PLOD2: variants seen among roughly 807,000 people sequenced by gnomAD.
The protein encoded by PLOD2 is procollagen-lysine,2-oxoglutarate 5-dioxygenase 2, also known as lysine hydroxylase 2.
A neutral mutation model predicts 101.0 loss-of-function variants in PLOD2; 65 were observed. The observed-to-expected ratio is 0.64, with a 90% CI of 0.53 to 0.79. PLOD2 has a LOEUF of 0.79. Ranked by LOEUF, PLOD2 falls within the 30% of genes least tolerant of loss-of-function variation. PLOD2 has a pLI of 0.00. For missense variants in PLOD2, 909 were observed against 914.6 expected, an observed-to-expected ratio of 0.99 and a Z score of 0.08; for synonymous variants, 314 against 302.9, an observed-to-expected ratio of 1.04 and a Z score of -0.38.
Position 146,119,413 on chromosome 3 carries a change from AG to A in PLOD2, c.338+1698del, listed in dbSNP as rs370275785. Among the ~76,000 whole-genome samples, 278 of 151,520 alleles carry A rather than the reference AG, an allele frequency of 1.8e-3. 2 individuals carry two copies. Among genetic ancestry groups the A allele is most frequent in the African/African-American group, 6.5e-3 (267 of 41,228 alleles). On this transcript the variant is annotated intron_variant, in intron 3 of 19. Transcript: ENST00000282903. ...CAGCACAAGAACTGATTAATACAAT[AG>A]TTTTATAACTAGTAATATCTACTTT...
chr3:146,135,969 C>T (rs1425321578), intron 1 of PLOD2, among the ~76,000 whole-genome samples: 2 of 151,926 alleles, frequency 1.3e-5, no homozygotes, highest in Non-Finnish European at 1.5e-5. Context: ...AAGATTGTAT[C>T]TCTACAATAA....
rs555925828 is a variant in PLOD2, at chr3:146,082,492, A to T, written c.1233-629T>A. On this transcript the variant is annotated intron_variant, in intron 11 of 19. Coordinates refer to ENST00000282903, the MANE Select transcript of PLOD2 (RefSeq NM_182943.3). ...TTCCTTTAACTATTTTAGAAAGCAA[A>T]TTTATGGAACAACTATTCTTTATAT... 8.5e-5 allele frequency among the ~76,000 whole-genome samples: 13 copies of T among 152,292 alleles called. No individual in the cohort carries two copies. The South Asian group carries it at 2.5e-3, about 29-fold the overall frequency.
chr3:146,076,576 C>T lies in PLOD2; in HGVS notation c.1677+206G>A, dbSNP rs115390352. ...CAACGTACAAGCATTCCCTTTTCTC[C>T]GTAGCCTCACCCATATCTGTTGTTT... On this transcript the variant is annotated intron_variant, in intron 15 of 19. Transcript: ENST00000282903. The T allele has an allele frequency of 2.0e-3, 813 of 402,434 alleles. 9 individuals are homozygous for T. The highest frequency in any genetic ancestry group is 0.016 in the African/African-American group (750 of 48,060). The allele number at this position is 402,434 out of a possible 1,614,324, so 24.9% of individuals were successfully genotyped here.
rs776354477 is a variant in PLOD2 at position 146,086,897 on chromosome 3, A to G, written c.1017T>C (p.His339=). The G allele has an allele frequency of 1.6e-4, 242 of 1,501,742 alleles. No individual in the cohort carries two copies. The highest frequency in any genetic ancestry group is 2.1e-4 in the Non-Finnish European group (226 of 1,091,376). The allele number at this position is 1,501,742 out of a possible 1,614,324, so 93.0% of individuals were successfully genotyped here. ...CAAAAAATACCTTGATGTCCTTTTCATGATAAACTTCCTGTAACATATTTT... is the reference window on the plus strand; with the variant it reads ...CAAAAAATACCTTGATGTCCTTTTCGTGATAAACTTCCTGTAACATATTTT... ...KLFIHNKEVY[H]EKDIKVFFDK... The change falls in exon 10 of 20, where the codon CAT becomes CAC. Residue 339 remains histidine (H), a synonymous_variant. Coordinates refer to ENST00000282903, the MANE Select transcript of PLOD2 (RefSeq NM_182943.3).
intron 1 of PLOD2, among the ~76,000 whole-genome samples, chr3:146,154,315 A>G (rs983600898): frequency 1.3e-5 from 2 of 151,688 alleles, no homozygotes; most frequent in African/African-American, 4.8e-5. Context: ...TTTTTATTAT[A>G]AATACAGTAG....
At position 146,160,833 on chromosome 3, in the gene PLOD2, C is replaced by G. The variant is rs200626888; in HGVS notation, c.109+48G>C. 21 of 1,232,884 alleles carry G rather than the reference C, an allele frequency of 1.7e-5. No individual in the cohort carries two copies. The South Asian group carries it at 2.2e-4, about 13-fold the overall frequency. The allele number at this position is 1,232,884 out of a possible 1,614,324, so 76.4% of individuals were successfully genotyped here. ...GGCTGGTGGATGAATGAACTGCCCCCCCGCCGGCCGAGCCTCGCGGGACAG... is the reference window on the plus strand; with the variant it reads ...GGCTGGTGGATGAATGAACTGCCCCGCCGCCGGCCGAGCCTCGCGGGACAG... On this transcript the variant is annotated intron_variant, in intron 1 of 19. Transcript: ENST00000282903.
At chr3:146,105,506 C>A (rs1937521173) in intron 5 of PLOD2, among the ~76,000 whole-genome samples, 1 of 152,172 alleles carries the variant, frequency 6.6e-6, no homozygotes, top group African/African-American at 2.4e-5. Context: ...CACCCATAAT[C>A]TCCAGGCTCC....
chr3:146,137,245 T>G (rs2031282960), intron 1 of PLOD2, among the ~76,000 whole-genome samples: 1 of 152,190 alleles, frequency 6.6e-6, no homozygotes. Flanking sequence ...TAATTGGCTT[T>G]ATAGCACCAT....
intron 2 of PLOD2, among the ~76,000 whole-genome samples, chr3:146,122,971 G>A (rs1576612162): frequency 2.0e-5 from 3 of 152,052 alleles, no homozygotes; most frequent in East Asian, 3.9e-4. Flanking sequence ...AGTGCATACT[G>A]CTACATTTTC....
At chr3:146,155,076 C>T (rs1032984449) in intron 1 of PLOD2, among the ~76,000 whole-genome samples, 2 of 152,138 alleles carry the variant, frequency 1.3e-5, no homozygotes, top group African/African-American at 4.8e-5. Flanking sequence ...CTTTGTGACA[C>T]AGTCGGGCAG....
intron 7 of PLOD2, among the ~76,000 whole-genome samples, chr3:146,095,057 T>TA (rs200525335): frequency 0.014 from 2,137 of 152,110 alleles, 55 homozygotes; most frequent in African/African-American, 0.048. Context: ...TCACACCTTA[T>TA]AAAAAATCAA....
intron 1 of PLOD2, among the ~76,000 whole-genome samples, chr3:146,155,472 G>A (rs1046899581): frequency 7.9e-5 from 12 of 151,934 alleles, no homozygotes; most frequent in African/African-American, 2.7e-4. Context: ...CAGCAGTTTG[G>A]GAAGCCGAGG....
intron 1 of PLOD2, among the ~76,000 whole-genome samples, chr3:146,157,303 G>A (rs888495289): frequency 6.6e-6 from 1 of 152,168 alleles, no homozygotes; most frequent in African/African-American, 2.4e-5. Flanking sequence ...ACTTTGAAGA[G>A]TTTACAATTT....
chr3:146,123,374 T>C (rs1221804766), intron 2 of PLOD2: 13 of 581,782 alleles, frequency 2.2e-5, no homozygotes, highest in Non-Finnish European at 2.9e-5. Flanking sequence ...CTCTCATAGC[T>C]GAGTTTAATA....
At chr3:146,084,175 GC>G (rs1187988390) in intron 11 of PLOD2, among the ~76,000 whole-genome samples, 6 of 151,972 alleles carry the variant, frequency 3.9e-5, no homozygotes, top group African/African-American at 1.4e-4. Context: ...TGTCACAACT[GC>G]TTTTCCTTGC....
chr3:146,083,422 A>G (rs1243865870), intron 11 of PLOD2, among the ~76,000 whole-genome samples: 1 of 152,176 alleles, frequency 6.6e-6, no homozygotes, highest in Non-Finnish European at 1.5e-5. Context: ...GCATATGTCA[A>G]TAGACTATAG....
At chr3:146,075,611 T>A (rs1426636080) in intron 15 of PLOD2, among the ~76,000 whole-genome samples, 1 of 151,598 alleles carries the variant, frequency 6.6e-6, no homozygotes, top group Non-Finnish European at 1.5e-5. Context: ...ATCTTTGATG[T>A]ACATTCACAA....
intron 1 of PLOD2, among the ~76,000 whole-genome samples, chr3:146,139,841 A>G (rs186926693): frequency 2.0e-5 from 3 of 152,220 alleles, no homozygotes; most frequent in Non-Finnish European, 4.4e-5. Flanking sequence ...GGCAAAAAAT[A>G]CTGTTGAAGA....
At chr3:146,111,195 A>G (rs1937625834) in intron 3 of PLOD2, among the ~76,000 whole-genome samples, 1 of 152,186 alleles carries the variant, frequency 6.6e-6, no homozygotes, top group African/African-American at 2.4e-5. Context: ...CTACTCTGCA[A>G]TAAGTTCTTT....
Sources: gnomAD v4.1 joint callset for allele counts (sites outside exome capture counted in the v4.1 genomes callset) on GRCh38, gnomAD v4.1.1 for gene constraint, MANE v1.5 for transcripts, NCBI Gene and HGNC (gene_info 2026-07-23, HGNC 2026-07-21) for gene names.